RNF150: variants seen among roughly 807,000 people sequenced by gnomAD.
The protein encoded by RNF150 is ring finger protein 150.
In RNF150, 24 loss-of-function variants were observed where a neutral mutation model predicts 39.3. That is an observed-to-expected ratio of 0.61 (90% CI 0.44 to 0.86). The LOEUF is 0.86. RNF150 is among the 40% of genes least tolerant of loss of function. RNF150 has a pLI of 0.00. For missense variants in RNF150, 502 were observed against 587.8 expected (o/e 0.85, Z 1.51); for synonymous variants, 255 against 227.3 (o/e 1.12, Z -1.10).
intron 6 of RNF150, among the ~76,000 whole-genome samples, chr4:140,903,115 A>G (rs1332558954): frequency 6.6e-6 from 1 of 152,172 alleles, no homozygotes; most frequent in Non-Finnish European, 1.5e-5. Flanking sequence ...GATCTTAGAA[A>G]TCACCTAACA....
intron 1 of RNF150, among the ~76,000 whole-genome samples, chr4:141,194,228 C>T (rs750444577): frequency 5.3e-5 from 8 of 152,148 alleles, no homozygotes; most frequent in Non-Finnish European, 8.8e-5. Context: ...ACTATGAATA[C>T]AACTGGAGAT....
intron 1 of RNF150, among the ~76,000 whole-genome samples, chr4:141,047,936 T>C (rs754702506): frequency 1.3e-5 from 2 of 152,196 alleles, no homozygotes; most frequent in Non-Finnish European, 2.9e-5. Flanking sequence ...CCAGTAGTGA[T>C]ACAGCAATTA....
At chr4:141,205,443 G>C (rs1480222313) in intron 1 of RNF150, among the ~76,000 whole-genome samples, 1 of 152,128 alleles carries the variant, frequency 6.6e-6, no homozygotes, top group Admixed American at 6.5e-5. Context: ...GGTTTGGAAA[G>C]GCAAAATTAG....
intron 1 of RNF150, among the ~76,000 whole-genome samples, chr4:141,044,851 A>G (rs931726600): frequency 2.6e-5 from 4 of 152,150 alleles, no homozygotes; most frequent in African/African-American, 9.7e-5. Context: ...ACTGTGGCAC[A>G]TCTTACTGGA....
chr4:141,101,736 C>T (rs573648938), intron 1 of RNF150, among the ~76,000 whole-genome samples: 1 of 152,154 alleles, frequency 6.6e-6, no homozygotes, highest in South Asian at 2.1e-4. Context: ...ACAACAGCTA[C>T]AACGTCACCA....
chr4:140,870,806 T>G (rs910588525), intron 6 of RNF150, among the ~76,000 whole-genome samples: 4 of 151,956 alleles, frequency 2.6e-5, no homozygotes, highest in Non-Finnish European at 5.9e-5. Context: ...TTGCCTAAAT[T>G]TTGTTATTGT....
At chr4:140,953,499 G>A (rs1025879253) in intron 2 of RNF150, among the ~76,000 whole-genome samples, 8 of 144,138 alleles carry the variant, frequency 5.6e-5, no homozygotes, top group Non-Finnish European at 1.2e-4. Flanking sequence ...TGTATATGAT[G>A]ATATGGGACC....
intron 6 of RNF150, among the ~76,000 whole-genome samples, chr4:140,910,135 C>A (rs1730537336): frequency 6.6e-6 from 1 of 152,086 alleles, no homozygotes; most frequent in African/African-American, 2.4e-5. Context: ...AAATACATAT[C>A]TTTACATTTT....
chr4:141,065,821 G>A (rs1737434479), intron 1 of RNF150, among the ~76,000 whole-genome samples: 1 of 151,814 alleles, frequency 6.6e-6, no homozygotes, highest in South Asian at 2.1e-4. Context: ...GATGACCTCT[G>A]TCTACCCACA....
At chr4:141,037,239 T>A (rs1313633840) in intron 1 of RNF150, among the ~76,000 whole-genome samples, 1 of 152,202 alleles carries the variant, frequency 6.6e-6, no homozygotes, top group East Asian at 1.9e-4. Flanking sequence ...TTAGAAAGCA[T>A]AAAATGTAGC....
At chr4:141,180,202 C>A (rs551777188) in intron 1 of RNF150, among the ~76,000 whole-genome samples, 2 of 152,170 alleles carry the variant, frequency 1.3e-5, no homozygotes, top group African/African-American at 2.4e-5. Context: ...TCTCATGGTT[C>A]TTCCCACGTG....
intron 1 of RNF150, among the ~76,000 whole-genome samples, chr4:141,068,149 G>A (rs2110939119): frequency 6.6e-6 from 1 of 152,060 alleles, no homozygotes; most frequent in Admixed American, 6.5e-5. Context: ...TTCACCATGT[G>A]GGACAGGCTG....
At chr4:141,167,165 G>A (rs977644045) in intron 1 of RNF150, among the ~76,000 whole-genome samples, 1 of 152,084 alleles carries the variant, frequency 6.6e-6, no homozygotes, top group Admixed American at 6.6e-5. Flanking sequence ...CAAGCAGAGA[G>A]CCAAATAATG....
At chr4:141,036,866 T>C (rs1412922835) in intron 1 of RNF150, among the ~76,000 whole-genome samples, 1 of 152,188 alleles carries the variant, frequency 6.6e-6, no homozygotes, top group Non-Finnish European at 1.5e-5. Flanking sequence ...AACTTAAACA[T>C]ATCCTTAATT....
chr4:140,942,182 C>CA (rs1732114643), intron 4 of RNF150, among the ~76,000 whole-genome samples: 1 of 151,980 alleles, frequency 6.6e-6, no homozygotes, highest in African/African-American at 2.4e-5. Flanking sequence ...AACCAAAAAA[C>CA]AAAAAACAAA....
intron 1 of RNF150, among the ~76,000 whole-genome samples, chr4:141,143,287 A>T (rs537730011): frequency 1.1e-4 from 17 of 152,298 alleles, no homozygotes; most frequent in African/African-American, 3.9e-4. Context: ...TCACAAAATT[A>T]TGTCAAATAC....
chr4:140,893,624 T>C (rs1010959712), intron 6 of RNF150, among the ~76,000 whole-genome samples: 2 of 152,180 alleles, frequency 1.3e-5, no homozygotes, highest in East Asian at 1.9e-4. Context: ...TTTAGAACCA[T>C]GCTCAGCACC....
rs558364693 is a variant in RNF150 at position 141,068,662 on chromosome 4, T to C, written c.484+63663A>G. On this transcript the variant is annotated intron_variant, in intron 1 of 6. Transcript: ENST00000515673. The stretch of plus-strand genomic sequence containing the variant: ...AATTACCTTGGGCAGTATGGCCATT[T>C]TCACGGTATTGATTCTTCCTACCCA... Among the ~76,000 whole-genome samples the C allele has an allele frequency of 5.9e-5, 9 of 151,342 alleles. No homozygotes were observed. The East Asian group carries it at 1.7e-3, about 29-fold the overall frequency.
chr4:140,952,441 G>T (rs1732577603), intron 2 of RNF150, among the ~76,000 whole-genome samples: 1 of 152,228 alleles, frequency 6.6e-6, no homozygotes, highest in African/African-American at 2.4e-5. Flanking sequence ...GAAGTTCAAA[G>T]ACTGCATTAA....
Sources: allele counts gnomAD v4.1 joint callset (sites outside exome capture counted in the v4.1 genomes callset), GRCh38; gene constraint gnomAD v4.1.1; transcripts MANE v1.5; gene names NCBI Gene and HGNC (gene_info 2026-07-23, HGNC 2026-07-21).